TAFA1: variants seen among roughly 807,000 people sequenced by gnomAD.
TAFA1 encodes TAFA chemokine like family member 1.
A neutral mutation model predicts 18.5 loss-of-function variants in TAFA1; 4 were observed. The observed-to-expected ratio is 0.22, with a 90% CI of 0.11 to 0.49. The LOEUF (loss-of-function observed/expected upper bound fraction) is 0.49, where lower values mean the gene tolerates loss of function less well. Ranked by LOEUF, TAFA1 falls within the 20% of genes least tolerant of loss-of-function variation. The pLI is 0.98. For missense variants in TAFA1, 147 were observed against 169.0 expected (o/e 0.87, Z 0.72); for synonymous variants, 56 against 55.2 (o/e 1.01, Z -0.06).
rs142241597 is a variant in TAFA1 at position 68,458,941 on chromosome 3, A to G, written c.259+41521A>G. 2.5e-3 allele frequency among the ~76,000 whole-genome samples: 388 copies of G among 152,320 alleles called. 3 individuals are homozygous for G. Among genetic ancestry groups the G allele is most frequent in the African/African-American group, 8.3e-3 (346 of 41,572 alleles). ...GGGAGGTTTATTGAGTAACGACTTC[A>G]GGATCAACATCTGTGGGAGAGGCAG... On this transcript the variant is annotated intron_variant, in intron 3 of 4. Transcript: ENST00000478136.
chr3:68,051,681 A>G (rs576796194), intron 2 of TAFA1, among the ~76,000 whole-genome samples: 1 of 152,126 alleles, frequency 6.6e-6, no homozygotes, highest in Non-Finnish European at 1.5e-5. Flanking sequence ...CACTGTTTAT[A>G]TCATAGTATT....
At chr3:68,538,685 G>C in intron 3 of TAFA1, 71 bp from the exon 4 acceptor site, 1 of 1,529,492 alleles carries the variant, frequency 6.5e-7, no homozygotes, top group Non-Finnish European at 9.0e-7. Context: ...AAAATCTGCA[G>C]AGGGACACAA....
At chr3:68,237,947 A>G (rs1480416992) in intron 2 of TAFA1, among the ~76,000 whole-genome samples, 1 of 151,986 alleles carries the variant, frequency 6.6e-6, no homozygotes, top group Non-Finnish European at 1.5e-5. Flanking sequence ...ATTTGATCAG[A>G]TGTGTCTGCC....
chr3:68,461,254 C>G (rs891615766), intron 3 of TAFA1, among the ~76,000 whole-genome samples: 9 of 150,652 alleles, frequency 6.0e-5, no homozygotes, highest in African/African-American at 2.2e-4. Context: ...TGCACTCCAG[C>G]CTTGGTGATA....
intron 2 of TAFA1, among the ~76,000 whole-genome samples, chr3:68,304,564 A>G (rs1439367939): frequency 6.6e-6 from 1 of 152,182 alleles, no homozygotes; most frequent in Non-Finnish European, 1.5e-5. Flanking sequence ...AAGTTGTACT[A>G]ATAAGTGATA....
intron 2 of TAFA1, among the ~76,000 whole-genome samples, chr3:68,388,339 A>C (rs1455856567): frequency 6.6e-6 from 1 of 152,208 alleles, no homozygotes; most frequent in African/African-American, 2.4e-5. Context: ...AACTTTTATG[A>C]ATAAAGCTCC....
At chr3:68,273,326 C>A (rs1368286362) in intron 2 of TAFA1, among the ~76,000 whole-genome samples, 1 of 152,156 alleles carries the variant, frequency 6.6e-6, no homozygotes, top group Non-Finnish European at 1.5e-5. Flanking sequence ...GTAGAAGTTG[C>A]AGTTGGAGAA....
At chr3:68,152,921 G>C (rs1344889451) in intron 2 of TAFA1, among the ~76,000 whole-genome samples, 1 of 152,086 alleles carries the variant, frequency 6.6e-6, no homozygotes, top group Non-Finnish European at 1.5e-5. Flanking sequence ...CTTTTCCAAA[G>C]TCCTGAAACT....
chr3:68,137,813 A>G (rs1055074887), intron 2 of TAFA1, among the ~76,000 whole-genome samples: 4 of 152,194 alleles, frequency 2.6e-5, no homozygotes, highest in Admixed American at 2.0e-4. Context: ...GCCTTTTCCC[A>G]TAAAAACTGT....
chr3:68,482,282 C>A (rs2072252651), intron 3 of TAFA1, among the ~76,000 whole-genome samples: 1 of 152,192 alleles, frequency 6.6e-6, no homozygotes, highest in Non-Finnish European at 1.5e-5. Flanking sequence ...GCTGGGATTG[C>A]AGGTGTGAAA....
At chr3:68,190,285 C>G (rs566729522) in intron 2 of TAFA1, among the ~76,000 whole-genome samples, 132 of 151,970 alleles carry the variant, frequency 8.7e-4, no homozygotes, top group African/African-American at 3.1e-3. Flanking sequence ...GCCTAGCAGT[C>G]TTTCTGATGC....
At chr3:68,133,451 T>C (rs879653361) in intron 2 of TAFA1, among the ~76,000 whole-genome samples, 5 of 152,182 alleles carry the variant, frequency 3.3e-5, no homozygotes, top group Non-Finnish European at 5.9e-5. Context: ...TGTACATTAC[T>C]TTGGGCAGTA....
At chr3:67,998,852 A>G in the TAFA1 span, among the ~76,000 whole-genome samples, 1 of 152,130 alleles carries the variant, frequency 6.6e-6, no homozygotes, top group Non-Finnish European at 1.5e-5. Context: ...GAAACCATAC[A>G]TCTTCTTTAT....
chr3:68,451,513 GA>G (rs1036015248), intron 3 of TAFA1, among the ~76,000 whole-genome samples: 17 of 152,000 alleles, frequency 1.1e-4, no homozygotes, highest in South Asian at 1.0e-3. Context: ...CATCACAAAG[GA>G]AAAAAAGGCT....
intron 3 of TAFA1, among the ~76,000 whole-genome samples, chr3:68,529,002 A>T (rs2073147754): frequency 6.6e-6 from 1 of 152,050 alleles, no homozygotes; most frequent in Non-Finnish European, 1.5e-5. Flanking sequence ...CAACCCTTTG[A>T]TATAGGCACT....
chr3:68,159,551 C>T (rs2065901804), intron 2 of TAFA1, among the ~76,000 whole-genome samples: 1 of 151,978 alleles, frequency 6.6e-6, no homozygotes, highest in Non-Finnish European at 1.5e-5. Flanking sequence ...TCCACTTCCC[C>T]CTGCTCCCCC....
chr3:68,351,535 A>G (rs1310314113), intron 2 of TAFA1, among the ~76,000 whole-genome samples: 1 of 152,090 alleles, frequency 6.6e-6, no homozygotes, highest in East Asian at 1.9e-4. Context: ...TGTGTATTTT[A>G]TATATTCATG....
chr3:68,432,567 C>A (rs774401812), intron 3 of TAFA1, among the ~76,000 whole-genome samples: 8 of 152,008 alleles, frequency 5.3e-5, no homozygotes, highest in East Asian at 1.9e-4. Flanking sequence ...ACAAGACTTT[C>A]AAGTCTCCAG....
At chr3:68,039,101 C>T (rs894845834) in intron 2 of TAFA1, among the ~76,000 whole-genome samples, 5 of 152,144 alleles carry the variant, frequency 3.3e-5, no homozygotes, top group African/African-American at 9.7e-5. Flanking sequence ...ATCTGCTGGT[C>T]CCCATATCAG....
Sources: allele counts gnomAD v4.1 joint callset (sites outside exome capture counted in the v4.1 genomes callset), GRCh38; gene constraint gnomAD v4.1.1; transcripts MANE v1.5; gene names NCBI Gene and HGNC (gene_info 2026-07-23, HGNC 2026-07-21).